Variants in URAD observed in about 807,000 individuals in gnomAD.
URAD encodes the protein putative 2-oxo-4-hydroxy-4-carboxy-5-ureidoimidazoline decarboxylase.
Under a neutral mutation model 4.6 loss-of-function variants are expected in URAD, and 4 were observed. That is an observed-to-expected ratio of 0.87 (90% CI 0.43 to 1.98). URAD has a LOEUF of 1.98. URAD is among the 30% of genes most tolerant of loss of function. URAD has a pLI of 0.03. For missense variants in URAD, 300 were observed against 255.3 expected, an observed-to-expected ratio of 1.18 and a Z score of -1.19; for synonymous variants, 144 against 118.2, an observed-to-expected ratio of 1.22 and a Z score of -1.41.
At position 27,978,124 on chromosome 13, in the gene URAD, T is replaced by C; in HGVS notation, c.504A>G (p.Ala168=). The stretch of plus-strand genomic sequence containing the variant: ...GCGGCAGCTACAGCTTGGCGGGGTC[T>C]GCGCGGAGGAGGTCGGCCAGGCGCA... ...GSLRLADLLR[A]DPAKL The change falls in exon 2 of 2, where the codon GCA becomes GCG. Residue 168 remains alanine (A), a synonymous_variant. Transcript: ENST00000332715. 1 of 1,522,648 alleles carries C rather than the reference T, an allele frequency of 6.6e-7. No homozygotes were observed. The highest frequency in any genetic ancestry group is 1.2e-5 in the South Asian group (1 of 81,568). 94.3% of individuals were successfully genotyped at this position (1,522,648 alleles called of 1,614,324 possible). A position where few individuals can be genotyped will look rare whatever the true frequency, so the allele number is the denominator to read the frequency against.
rs1028372939 is a variant in URAD, at chr13:27,977,990, CACGTGTGTGG to C, written c.*106_*115del. 1 of 821,110 alleles carries C rather than the reference CACGTGTGTGG, an allele frequency of 1.2e-6. No homozygotes were observed. Among genetic ancestry groups the C allele is most frequent in the Non-Finnish European group, 1.7e-6 (1 of 575,666 alleles). 50.9% of individuals were successfully genotyped at this position (821,110 alleles called of 1,614,324 possible). A position where few individuals can be genotyped will look rare whatever the true frequency, so the allele number is the denominator to read the frequency against. On this transcript the variant is annotated 3_prime_UTR_variant, in exon 2 of 2. Transcript: ENST00000332715. ...GCCTCAATTCTCCACTTCCTTTGTGCACGTGTGTGGACGCTGTTCCAGGCCCGAGTCCGCC... is the reference window on the plus strand; with the variant it reads ...GCCTCAATTCTCCACTTCCTTTGTGCACGCTGTTCCAGGCCCGAGTCCGCC...
chr13:27,978,174 C>A lies in URAD; in HGVS notation c.454G>T (p.Gly152Cys), dbSNP rs536177413. The change falls in exon 2 of 2, where the codon GGC becomes TGC. Residue 152 changes from glycine (G) to cysteine (C), a missense_variant. Coordinates refer to ENST00000332715, the MANE Select transcript of URAD (RefSeq NM_001105577.2). ...PSAQELRTAL[G>C]EVKKIGSLRL... is the part of the protein sequence containing the mutation. Reference sequence around the variant, plus strand: ...AGGCTGCCGATCTTCTTCACCTCGCCCAGAGCAGTGCGCAGCTCCTGCGCG... The same window carrying A: ...AGGCTGCCGATCTTCTTCACCTCGCACAGAGCAGTGCGCAGCTCCTGCGCG... 42 of 1,530,428 alleles carry A rather than the reference C, an allele frequency of 2.7e-5. No homozygotes were observed. The South Asian group carries it at 4.8e-4, about 18-fold the overall frequency. The allele number at this position is 1,530,428 out of a possible 1,614,324, so 94.8% of individuals were successfully genotyped here.
chr13:27,986,400 C>T lies in URAD; in HGVS notation c.175+2063G>A, dbSNP rs74874973. Among the ~76,000 whole-genome samples, 22 of 152,116 alleles carry T rather than the reference C, an allele frequency of 1.4e-4. 1 individual carries two copies. Among genetic ancestry groups the T allele is most frequent in the Admixed American group, 1.2e-3 (19 of 15,274 alleles). On this transcript the variant is annotated intron_variant, in intron 1 of 1. Transcript: ENST00000332715. ...AAGCCTCGGGAGCGGGGGTTGCCCA[C>T]GTCCAGTGCTGCCCACACTCCACTA... is the stretch of plus-strand genomic sequence containing the variant.
In URAD at chr13:27,978,099, G is replaced by A; in HGVS notation, c.*7C>T. ...TGTGCGTCCCGGGTCCCTGGCCCGC[G>A]CGGCAGCTACAGCTTGGCGGGGTCT... On this transcript the variant is annotated 3_prime_UTR_variant, in exon 2 of 2. Transcript: ENST00000332715. 1 of 1,481,292 alleles carries A rather than the reference G, an allele frequency of 6.8e-7. No individual in the cohort carries two copies. Among genetic ancestry groups the A allele is most frequent in the Non-Finnish European group, 8.8e-7 (1 of 1,131,234 alleles). The allele number at this position is 1,481,292 out of a possible 1,614,324, so 91.8% of individuals were successfully genotyped here.
chr13:27,985,971 A>G (rs576240994), intron 1 of URAD, among the ~76,000 whole-genome samples: 1 of 152,276 alleles, frequency 6.6e-6, no homozygotes, highest in East Asian at 1.9e-4. Context: ...ACCATTGATA[A>G]CATCACTTGT....
chr13:27,987,933 G>GATAGATAGATAT (rs1334423778), intron 1 of URAD, among the ~76,000 whole-genome samples: 1 of 139,840 alleles, frequency 7.2e-6, no homozygotes, highest in Admixed American at 7.3e-5. Context: ...TAGATAGATA[G>GATAGATAGATAT]ATTTTTAAAA....
intron 1 of URAD, among the ~76,000 whole-genome samples, 166 bp from the exon 2 acceptor site, chr13:27,978,618 T>C (rs1367292176): frequency 6.6e-6 from 1 of 152,152 alleles, no homozygotes; most frequent in Non-Finnish European, 1.5e-5. Flanking sequence ...GGCGGTGATG[T>C]CCTGGCGGAA....
At position 27,977,882 on chromosome 13, in the gene URAD, G is replaced by A. The variant is rs1869755061; in HGVS notation, c.*224C>T. ...AAGCAGTGAGCTGGATAAATCCGGG[G>A]CAAAGCACTAAACAATATGGATATT... is the stretch of plus-strand genomic sequence containing the variant. On this transcript the variant is annotated 3_prime_UTR_variant, in exon 2 of 2. Transcript: ENST00000332715. 7 of 473,870 alleles carry A rather than the reference G, an allele frequency of 1.5e-5. No homozygotes were observed. Among genetic ancestry groups the A allele is most frequent in the Non-Finnish European group, 2.6e-5 (7 of 271,628 alleles). 29.4% of individuals were successfully genotyped at this position (473,870 alleles called of 1,614,324 possible). A position where few individuals can be genotyped will look rare whatever the true frequency, so the allele number is the denominator to read the frequency against.
intron 1 of URAD, among the ~76,000 whole-genome samples, chr13:27,980,507 G>A (rs951193326): frequency 1.3e-5 from 2 of 152,236 alleles, no homozygotes; most frequent in Non-Finnish European, 2.9e-5. Flanking sequence ...CTGCGGAGGA[G>A]GGGAAAGTGC....
At chr13:27,988,049 C>T (rs1870086881) in intron 1 of URAD, among the ~76,000 whole-genome samples, 1 of 152,178 alleles carries the variant, frequency 6.6e-6, no homozygotes, top group South Asian at 2.1e-4. Context: ...ATCTCCGCTT[C>T]CCAGGCTCAA....
At chr13:27,980,298 T>C (rs1869836506) in intron 1 of URAD, among the ~76,000 whole-genome samples, 1 of 152,122 alleles carries the variant, frequency 6.6e-6, no homozygotes, top group Admixed American at 6.5e-5. Flanking sequence ...GAACGGGTCT[T>C]TCCCGCTTCC....
intron 1 of URAD, among the ~76,000 whole-genome samples, chr13:27,979,073 C>G (rs1170323487): frequency 6.6e-6 from 1 of 152,132 alleles, no homozygotes; most frequent in Non-Finnish European, 1.5e-5. Context: ...TTCTGGGTTT[C>G]TGGAATCAGG....
intron 1 of URAD, among the ~76,000 whole-genome samples, chr13:27,986,065 G>A (rs763440636): frequency 6.6e-6 from 1 of 152,114 alleles, no homozygotes; most frequent in Admixed American, 6.5e-5. Context: ...GTGCAGAACC[G>A]AGAAGCAGCC....
chr13:27,981,002 A>C (rs1869857972), intron 1 of URAD, among the ~76,000 whole-genome samples: 1 of 130,994 alleles, frequency 7.6e-6, no homozygotes, highest in South Asian at 2.6e-4. Flanking sequence ...TCTCTGTTTC[A>C]GTCGCTTCTC....
intron 1 of URAD, among the ~76,000 whole-genome samples, chr13:27,980,756 G>T (rs997480216): frequency 1.3e-5 from 2 of 152,122 alleles, no homozygotes; most frequent in African/African-American, 2.4e-5. Flanking sequence ...AGGCGGCGGC[G>T]GCGTCCCGCC....
At chr13:27,981,304 C>T (rs1440849847) in intron 1 of URAD, among the ~76,000 whole-genome samples, 1 of 152,198 alleles carries the variant, frequency 6.6e-6, no homozygotes, top group Non-Finnish European at 1.5e-5. Flanking sequence ...AGGCTGGATA[C>T]TGGGCAAGTA....
intron 1 of URAD, among the ~76,000 whole-genome samples, chr13:27,985,616 C>T (rs1228190508): frequency 6.6e-6 from 1 of 152,132 alleles, no homozygotes; most frequent in East Asian, 1.9e-4. Flanking sequence ...TTATCTTAAT[C>T]AAATACATTA....
rs1322120738 is a variant in URAD, at chr13:27,988,478, C to A, written c.160G>T (p.Ala54Ser). ...LEKHFFAFID[A>S]LAQSGQEGIL... ...GAAGCCTTACCTGACTGTGCAAGGG[C>A]ATCAATAAAGGCAAAAAAGTGCTTC... The change falls in exon 1 of 2, where the codon GCC (alanine) becomes TCC (serine). Residue 54 changes from alanine to serine, a missense_variant. Transcript: ENST00000332715. The A allele has an allele frequency of 4.3e-6, 7 of 1,611,194 alleles. No homozygotes were observed. The highest frequency in any genetic ancestry group is 5.1e-6 in the Non-Finnish European group (6 of 1,178,530).
chr13:27,986,208 AG>A, intron 1 of URAD, among the ~76,000 whole-genome samples: 1 of 152,206 alleles, frequency 6.6e-6, no homozygotes, highest in East Asian at 1.9e-4. Flanking sequence ...TGTGTGGGGA[AG>A]GGGGTAATGC....
Sources: gnomAD v4.1 joint callset for allele counts (sites outside exome capture counted in the v4.1 genomes callset) on GRCh38, gnomAD v4.1.1 for gene constraint, MANE v1.5 for transcripts, NCBI Gene and HGNC (gene_info 2026-07-23, HGNC 2026-07-21) for gene names.